DMD: variants seen among roughly 807,000 people sequenced by gnomAD.
DMD encodes the protein dystrophin.
A neutral mutation model predicts 330.1 loss-of-function variants in DMD; 63 were observed. The ratio of observed to expected loss-of-function variants is 0.19; its 90% confidence interval spans 0.16 to 0.24. The LOEUF (loss-of-function observed/expected upper bound fraction) is 0.24, where lower values mean the gene tolerates loss of function less well. Among genes scored for constraint, DMD ranks in the 10% least tolerant of loss-of-function variants. DMD has a pLI of 1.00. For missense variants in DMD, 3,344 were observed against 2,684.1 expected (o/e 1.25, Z -5.43); for synonymous variants, 1,223 against 959.8 (o/e 1.27, Z -5.07).
chrX:31,338,477 AC>A (rs2057533548), intron 61 of DMD, among the ~76,000 whole-genome samples: 2 of 109,799 alleles, frequency 1.8e-5, no homozygotes, highest in African/African-American at 6.6e-5. Flanking sequence ...AAACAAACAA[AC>A]AAAAAGCCCA....
chrX:31,441,125 C>T (rs1263365267), intron 60 of DMD, among the ~76,000 whole-genome samples: 1 of 112,269 alleles, frequency 8.9e-6, no homozygotes, highest in African/African-American at 3.2e-5. Context: ...CTATTTTGCC[C>T]AAATTTAAGA....
Position 32,310,097 on chromosome X carries a change from T to C in DMD, c.6102A>G (p.Gln2034=). ...TTGGTTTTACCTTCAGAGACTCCTC[T>C]TGCTTAAAGAGATCTTCAAAGTCCT... The part of the protein sequence containing the change: ...CAKDFEDLFK[Q]EESLKNIKDS... The change falls in exon 42 of 79, where the codon CAA becomes CAG. Residue 2034 remains glutamine (Q), a synonymous_variant. Coordinates refer to ENST00000357033, the MANE Select transcript of DMD (RefSeq NM_004006.3). 8.3e-7 allele frequency: 1 copy of C among 1,208,949 alleles called. No individual in the cohort carries two copies. The highest frequency in any genetic ancestry group is 3.0e-5 in the East Asian group (1 of 33,730).
intron 2 of DMD, among the ~76,000 whole-genome samples, chrX:32,888,223 G>T (rs910937504): frequency 9.1e-6 from 1 of 110,280 alleles, no homozygotes; most frequent in Non-Finnish European, 1.9e-5. Context: ...TGCCATGGTG[G>T]TTTGCTGCAT....
At chrX:32,107,223 G>A (rs188383723) in intron 44 of DMD, among the ~76,000 whole-genome samples, 6 of 110,587 alleles carry the variant, frequency 5.4e-5, no homozygotes, top group African/African-American at 1.3e-4. Flanking sequence ...GGAGGATTAC[G>A]CTCTTGGCCT....
chrX:32,362,466 A>G, intron 37 of DMD, among the ~76,000 whole-genome samples: 1 of 111,355 alleles, frequency 9.0e-6, no homozygotes, highest in Middle Eastern at 4.2e-3. Flanking sequence ...GGCCTTCAGC[A>G]TGCTATTTGT....
At chrX:31,383,376 G>T (rs2060282011) in intron 60 of DMD, among the ~76,000 whole-genome samples, 1 of 112,452 alleles carries the variant, frequency 8.9e-6, no homozygotes, top group Admixed American at 9.5e-5. Context: ...AGTGAAAGTT[G>T]TAACAATTAG....
chrX:33,151,541 C>T (rs1216017637), intron 1 of DMD, among the ~76,000 whole-genome samples: 2 of 111,709 alleles, frequency 1.8e-5, no homozygotes, highest in Admixed American at 9.6e-5. Flanking sequence ...TACATAAATA[C>T]TATGGATACA....
chrX:32,201,598 G>C (rs1017542383), intron 44 of DMD, among the ~76,000 whole-genome samples: 1 of 109,255 alleles, frequency 9.2e-6, no homozygotes, highest in African/African-American at 3.3e-5. Flanking sequence ...ACTATATCAA[G>C]AGCTCAATAT....
intron 20 of DMD, among the ~76,000 whole-genome samples, chrX:32,489,319 G>T (rs138179222): frequency 2.7e-3 from 295 of 108,857 alleles, no homozygotes; most frequent in African/African-American, 6.3e-3. Context: ...ATGTTTATAT[G>T]ACGTCATCAG....
chrX:33,035,046 C>A (rs1309836405), intron 1 of DMD, among the ~76,000 whole-genome samples: 1 of 111,596 alleles, frequency 9.0e-6, no homozygotes, highest in African/African-American at 3.3e-5. Flanking sequence ...AGTCCACAGT[C>A]ATCAGCAGAT....
At chrX:31,943,453 C>T (rs1175092796) in intron 45 of DMD, among the ~76,000 whole-genome samples, 2 of 112,010 alleles carry the variant, frequency 1.8e-5, no homozygotes, top group Non-Finnish European at 3.8e-5. Context: ...AACATTAATT[C>T]TGTTTAAATT....
intron 20 of DMD, among the ~76,000 whole-genome samples, chrX:32,486,134 C>A (rs2042441260): frequency 9.0e-6 from 1 of 110,622 alleles, no homozygotes; most frequent in East Asian, 2.9e-4. Context: ...CTCAGTAGTA[C>A]CCTGGTTTGT....
At chrX:31,930,827 A>G (rs1308181047) in intron 46 of DMD, among the ~76,000 whole-genome samples, 1 of 112,322 alleles carries the variant, frequency 8.9e-6, no homozygotes, top group East Asian at 2.8e-4. Flanking sequence ...ATGACACTCA[A>G]TACATTTGGG....
chrX:32,166,745 G>A (rs2096869780), intron 44 of DMD, among the ~76,000 whole-genome samples: 1 of 111,501 alleles, frequency 9.0e-6, no homozygotes, highest in Admixed American at 9.6e-5. Flanking sequence ...AGAAGGAACA[G>A]TCATGCAGAT....
intron 9 of DMD, among the ~76,000 whole-genome samples, chrX:32,696,554 A>G (rs2063669347): frequency 8.9e-6 from 1 of 112,151 alleles, no homozygotes; most frequent in South Asian, 3.7e-4. Context: ...ATGTAAGTCC[A>G]TTTGTAATTA....
At chrX:32,797,011 A>C (rs900556072) in intron 7 of DMD, among the ~76,000 whole-genome samples, 1 of 112,412 alleles carries the variant, frequency 8.9e-6, no homozygotes, top group Non-Finnish European at 1.9e-5. Flanking sequence ...TTTTATATAT[A>C]GAAATTATTT....
intron 60 of DMD, among the ~76,000 whole-genome samples, chrX:31,402,379 T>C (rs1352665136): frequency 8.9e-6 from 1 of 111,893 alleles, no homozygotes; most frequent in Non-Finnish European, 1.9e-5. Context: ...ATAGGGCTGC[T>C]TTGAGGAGAT....
At chrX:31,233,003 G>A (rs1408501884) in intron 63 of DMD, among the ~76,000 whole-genome samples, 7 of 111,679 alleles carry the variant, frequency 6.3e-5, no homozygotes, top group African/African-American at 1.6e-4. Context: ...CTTCAGCAAG[G>A]TATGCAGCCA....
At chrX:32,055,093 C>T (rs990967906) in intron 44 of DMD, among the ~76,000 whole-genome samples, 9 of 111,254 alleles carry the variant, frequency 8.1e-5, no homozygotes, top group South Asian at 3.8e-4. Context: ...GAAGAAACAC[C>T]GGCCTGGGAG....
Sources: gnomAD v4.1 joint callset for allele counts (sites outside exome capture counted in the v4.1 genomes callset) on GRCh38, gnomAD v4.1.1 for gene constraint, MANE v1.5 for transcripts, NCBI Gene and HGNC (gene_info 2026-07-23, HGNC 2026-07-21) for gene names.